Variants in LHFPL3 observed in about 807,000 individuals in gnomAD.
The protein encoded by LHFPL3 is LHFPL tetraspan subfamily member 3 protein.
A neutral mutation model predicts 19.3 loss-of-function variants in LHFPL3; 5 were observed. The observed-to-expected ratio is 0.26, with a 90% CI of 0.14 to 0.54. The LOEUF is 0.54. Ranked by LOEUF, LHFPL3 falls within the 20% of genes least tolerant of loss-of-function variation. LHFPL3 has a pLI of 0.94. For missense variants in LHFPL3, 249 were observed against 307.4 expected, an observed-to-expected ratio of 0.81 and a Z score of 1.42; for synonymous variants, 133 against 126.2, an observed-to-expected ratio of 1.05 and a Z score of -0.36.
chr7:104,454,432 G>A (rs919850609), intron 1 of LHFPL3, among the ~76,000 whole-genome samples: 31 of 152,146 alleles, frequency 2.0e-4, no homozygotes, highest in Admixed American at 3.9e-4. Flanking sequence ...CTCAGAATTA[G>A]GATTCTGCTA....
At chr7:104,405,688 T>C (rs1013215933) in intron 1 of LHFPL3, among the ~76,000 whole-genome samples, 1 of 152,242 alleles carries the variant, frequency 6.6e-6, no homozygotes, top group Non-Finnish European at 1.5e-5. Flanking sequence ...TTAACCACTA[T>C]GTTATACTGC....
chr7:104,710,259 C>T (rs1215618403), intron 1 of LHFPL3, among the ~76,000 whole-genome samples: 1 of 152,186 alleles, frequency 6.6e-6, no homozygotes, highest in African/African-American at 2.4e-5. Flanking sequence ...ATTGTTGCAC[C>T]ACAAGACCAT....
chr7:104,749,965 G>T (rs1167605581), intron 2 of LHFPL3, among the ~76,000 whole-genome samples: 1 of 152,052 alleles, frequency 6.6e-6, no homozygotes, highest in Non-Finnish European at 1.5e-5. Flanking sequence ...TCCCTTTCCT[G>T]GTATATATCC....
chr7:104,450,144 G>C (rs539625729), intron 1 of LHFPL3, among the ~76,000 whole-genome samples: 62 of 152,224 alleles, frequency 4.1e-4, no homozygotes, highest in Non-Finnish European at 7.5e-4. Context: ...AGGACTCTTA[G>C]GGAAAAAATT....
intron 1 of LHFPL3, among the ~76,000 whole-genome samples, chr7:104,709,876 C>T (rs1487875295): frequency 1.3e-5 from 2 of 149,630 alleles, no homozygotes; most frequent in African/African-American, 2.4e-5. Flanking sequence ...ACATCCCAGA[C>T]GATGGGTGGC....
At chr7:104,514,511 T>A (rs1793884413) in intron 1 of LHFPL3, among the ~76,000 whole-genome samples, 1 of 152,168 alleles carries the variant, frequency 6.6e-6, no homozygotes, top group Non-Finnish European at 1.5e-5. Flanking sequence ...GTTGCCTGAA[T>A]GAACCAGCCA....
intron 2 of LHFPL3, among the ~76,000 whole-genome samples, chr7:104,896,373 C>G (rs1356245444): frequency 2.0e-5 from 3 of 152,322 alleles, no homozygotes; most frequent in African/African-American, 7.2e-5. Context: ...ATCTCAGAAG[C>G]TAAGCAGGGT....
chr7:104,621,781 G>T (rs1313774956), intron 1 of LHFPL3, among the ~76,000 whole-genome samples: 2 of 152,112 alleles, frequency 1.3e-5, no homozygotes, highest in South Asian at 2.1e-4. Flanking sequence ...AGGAAGAAGG[G>T]CAGGAAGAGA....
At chr7:104,430,390 A>ATTTTTTTTTTTTTTTATATATATG in intron 1 of LHFPL3, among the ~76,000 whole-genome samples, 1 of 59,466 alleles carries the variant, frequency 1.7e-5, no homozygotes, top group Non-Finnish European at 3.1e-5. Context: ...ATACATATAT[A>ATTTTTTTTTTTTTTTATATATATG]TATATATATA....
intron 1 of LHFPL3, among the ~76,000 whole-genome samples, chr7:104,391,423 AC>A (rs1791066250): frequency 6.6e-6 from 1 of 152,164 alleles, no homozygotes; most frequent in African/African-American, 2.4e-5. Flanking sequence ...TTTTCCCAGC[AC>A]CATTTATTAA....
intron 1 of LHFPL3, among the ~76,000 whole-genome samples, chr7:104,558,006 A>G (rs1424520160): frequency 6.6e-6 from 1 of 150,474 alleles, no homozygotes; most frequent in Non-Finnish European, 1.5e-5. Context: ...AAGGACATGA[A>G]CTCATCATTT....
intron 1 of LHFPL3, among the ~76,000 whole-genome samples, chr7:104,374,210 G>A (rs201220658): frequency 1.9e-3 from 173 of 89,206 alleles, no homozygotes; most frequent in African/African-American, 5.5e-3. Flanking sequence ...ATCTATATAT[G>A]TGTGTGTGTG....
chr7:104,512,741 GAAAAA>G (rs763632273), intron 1 of LHFPL3, among the ~76,000 whole-genome samples: 1 of 143,046 alleles, frequency 7.0e-6, no homozygotes, highest in Non-Finnish European at 1.5e-5. Flanking sequence ...CTTCTCAAAA[GAAAAA>G]AAAAAGAGAG....
chr7:104,505,145 CA>C (rs974404632), intron 1 of LHFPL3, among the ~76,000 whole-genome samples: 7 of 152,154 alleles, frequency 4.6e-5, no homozygotes, highest in African/African-American at 1.4e-4. Context: ...CACTGGCTTC[CA>C]AAATCAGTAT....
At chr7:104,444,819 C>G (rs765228822) in intron 1 of LHFPL3, among the ~76,000 whole-genome samples, 1 of 151,938 alleles carries the variant, frequency 6.6e-6, no homozygotes, top group African/African-American at 2.4e-5. Context: ...AGAAACCCTG[C>G]CTCTACAAAA....
intron 1 of LHFPL3, among the ~76,000 whole-genome samples, chr7:104,418,994 G>C (rs954300567): frequency 3.3e-5 from 5 of 152,190 alleles, no homozygotes; most frequent in African/African-American, 1.2e-4. Flanking sequence ...GCTCAGAGAG[G>C]TTATACAATT....
chr7:104,501,580 A>T (rs1337249346), intron 1 of LHFPL3, among the ~76,000 whole-genome samples: 1 of 152,210 alleles, frequency 6.6e-6, no homozygotes, highest in Non-Finnish European at 1.5e-5. Flanking sequence ...TCATACTGAT[A>T]GTCACTCATG....
intron 1 of LHFPL3, among the ~76,000 whole-genome samples, chr7:104,528,709 C>CA (rs1216394213): frequency 6.6e-6 from 1 of 152,080 alleles, no homozygotes; most frequent in Non-Finnish European, 1.5e-5. Context: ...AAGCTTTTTT[C>CA]AAGACTATGG....
At chr7:104,428,262 G>T (rs962601884) in intron 1 of LHFPL3, among the ~76,000 whole-genome samples, 1 of 152,134 alleles carries the variant, frequency 6.6e-6, no homozygotes, top group African/African-American at 2.4e-5. Flanking sequence ...CTTAGGAAGA[G>T]ACAATTCATG....
Sources: gnomAD v4.1 joint callset for allele counts (sites outside exome capture counted in the v4.1 genomes callset) on GRCh38, gnomAD v4.1.1 for gene constraint, MANE v1.5 for transcripts, NCBI Gene and HGNC (gene_info 2026-07-23, HGNC 2026-07-21) for gene names.